Variants in ZNF407 observed in about 807,000 individuals in gnomAD.
ZNF407 encodes the protein zinc finger protein 407.
ZNF407 carries 17 observed loss-of-function variants against 131.2 expected under a neutral mutation model. The ratio of observed to expected loss-of-function variants is 0.13; its 90% CI spans 0.09 to 0.19. ZNF407 has a LOEUF of 0.19. ZNF407 is among the 10% of genes least tolerant of loss of function. The probability of loss-of-function intolerance (pLI) is 1.00; values close to 1 mark genes in which losing one functional copy is unlikely to be tolerated. For missense variants in ZNF407, 2,681 were observed against 2,830.6 expected (o/e 0.95, Z 1.20); for synonymous variants, 1,156 against 1,062.0 (o/e 1.09, Z -1.72).
intron 3 of ZNF407, among the ~76,000 whole-genome samples, chr18:74,735,704 C>T (rs1038540206): frequency 6.6e-6 from 1 of 152,098 alleles, no homozygotes; most frequent in South Asian, 2.1e-4. Context: ...GCAACTTTAC[C>T]AGAGACTCTT....
chr18:74,917,861 C>T (rs1164768906), intron 7 of ZNF407, among the ~76,000 whole-genome samples: 1 of 152,010 alleles, frequency 6.6e-6, no homozygotes, highest in Non-Finnish European at 1.5e-5. Flanking sequence ...ATTGGTGGTA[C>T]CAAAGAATCT....
At chr18:74,825,940 A>G (rs1375456390) in intron 4 of ZNF407, among the ~76,000 whole-genome samples, 1 of 152,226 alleles carries the variant, frequency 6.6e-6, no homozygotes. Flanking sequence ...AGCACAAAGC[A>G]TCTGTCTATA....
intron 3 of ZNF407, among the ~76,000 whole-genome samples, chr18:74,684,022 G>A (rs1967042883): frequency 6.6e-6 from 1 of 152,130 alleles, no homozygotes; most frequent in Admixed American, 6.5e-5. Context: ...TAGAACTGTG[G>A]TTGTTAGTGC....
chr18:74,772,744 G>A (rs1279642684), intron 3 of ZNF407, among the ~76,000 whole-genome samples: 1 of 152,126 alleles, frequency 6.6e-6, no homozygotes, highest in Non-Finnish European at 1.5e-5. Context: ...AGGTTTTTGA[G>A]CTGAGGCATG....
chr18:75,034,749 A>C (rs2122229435), intron 8 of ZNF407, among the ~76,000 whole-genome samples: 1 of 152,244 alleles, frequency 6.6e-6, no homozygotes, highest in Admixed American at 6.5e-5. Flanking sequence ...ATTTTATCCC[A>C]CATACTTTGG....
intron 7 of ZNF407, among the ~76,000 whole-genome samples, chr18:74,904,028 A>G (rs982893961): frequency 3.9e-5 from 6 of 152,188 alleles, no homozygotes; most frequent in Non-Finnish European, 8.8e-5. Flanking sequence ...TTGTGTACTG[A>G]TATATGCCAG....
chr18:74,779,421 A>T (rs1009009480), intron 3 of ZNF407, among the ~76,000 whole-genome samples: 1 of 151,832 alleles, frequency 6.6e-6, no homozygotes, highest in Non-Finnish European at 1.5e-5. Context: ...GTCAGCTTAT[A>T]TATTTTTTTA....
intron 4 of ZNF407, among the ~76,000 whole-genome samples, chr18:74,876,592 A>T (rs551110002): frequency 1.3e-5 from 2 of 152,276 alleles, no homozygotes; most frequent in South Asian, 4.1e-4. Context: ...GAAATAGTTA[A>T]GGTTTATTTT....
chr18:74,867,183 T>C (rs922870500), intron 4 of ZNF407, among the ~76,000 whole-genome samples: 2 of 152,136 alleles, frequency 1.3e-5, no homozygotes, highest in Non-Finnish European at 2.9e-5. Context: ...TTAAATCCCA[T>C]GTGTTTTGTG....
chr18:74,861,964 C>T (rs536062688), intron 4 of ZNF407, among the ~76,000 whole-genome samples: 2 of 152,164 alleles, frequency 1.3e-5, no homozygotes, highest in Admixed American at 1.3e-4. Context: ...TCAGTGTTTT[C>T]ATAGGTGCTT....
At position 74,770,379 on chromosome 18, in the gene ZNF407, A is replaced by G. The variant is rs559583083; in HGVS notation, c.4803-11049A>G. ...TGCCACTGTAGTCAGCCTGGGTAAC[A>G]GAGGGAGTCCCTGTCTCAAAAAAAT... On this transcript the variant is annotated intron_variant, in intron 3 of 8. Coordinates refer to ENST00000299687, the MANE Select transcript of ZNF407 (RefSeq NM_017757.3). Among the ~76,000 whole-genome samples, 299 of 152,300 alleles carry G rather than the reference A, an allele frequency of 2.0e-3. 1 individual carries two copies. Among genetic ancestry groups the G allele is most frequent in the African/African-American group, 7.1e-3 (294 of 41,560 alleles).
At chr18:75,024,049 C>G (rs1973143017) in intron 8 of ZNF407, among the ~76,000 whole-genome samples, 1 of 152,154 alleles carries the variant, frequency 6.6e-6, no homozygotes, top group Non-Finnish European at 1.5e-5. Flanking sequence ...GTGGGAGTCT[C>G]AAGCTTATCC....
At chr18:74,770,365 T>G (rs1282923127) in intron 3 of ZNF407, among the ~76,000 whole-genome samples, 1 of 152,126 alleles carries the variant, frequency 6.6e-6, no homozygotes, top group Non-Finnish European at 1.5e-5. Flanking sequence ...GCCACTGTAG[T>G]CAGCCTGGGT....
chr18:75,051,125 T>C (rs1364441992), intron 8 of ZNF407, among the ~76,000 whole-genome samples: 1 of 152,170 alleles, frequency 6.6e-6, no homozygotes, highest in African/African-American at 2.4e-5. Context: ...TGTGATAGGC[T>C]GGAAGTATGT....
chr18:75,014,583 G>C (rs777066356), intron 8 of ZNF407, among the ~76,000 whole-genome samples: 10 of 151,932 alleles, frequency 6.6e-5, no homozygotes, highest in Admixed American at 6.6e-4. Context: ...TGTCACCCTC[G>C]TAAGTGGTCA....
intron 8 of ZNF407, among the ~76,000 whole-genome samples, chr18:74,933,353 A>G (rs528725695): frequency 1.3e-5 from 2 of 152,322 alleles, no homozygotes; most frequent in South Asian, 4.1e-4. Flanking sequence ...ATGTGCCTAG[A>G]GTAGTCGAAG....
At chr18:74,941,810 G>A (rs540741327) in intron 8 of ZNF407, among the ~76,000 whole-genome samples, 1 of 152,296 alleles carries the variant, frequency 6.6e-6, no homozygotes, top group African/African-American at 2.4e-5. Flanking sequence ...CGCAACAACG[G>A]TGATGATGTT....
chr18:74,785,725 G>GA (rs1317816726), intron 4 of ZNF407, among the ~76,000 whole-genome samples: 3 of 152,080 alleles, frequency 2.0e-5, no homozygotes, highest in African/African-American at 7.2e-5. Flanking sequence ...AGCATCTGTG[G>GA]AAAAGCGCAT....
At chr18:74,866,346 A>G (rs944643375) in intron 4 of ZNF407, among the ~76,000 whole-genome samples, 2 of 152,120 alleles carry the variant, frequency 1.3e-5, no homozygotes, top group Admixed American at 1.3e-4. Flanking sequence ...ATACATCTCA[A>G]CCTTTCTAGC....
Sources: gnomAD v4.1 joint callset for allele counts (sites outside exome capture counted in the v4.1 genomes callset) on GRCh38, gnomAD v4.1.1 for gene constraint, MANE v1.5 for transcripts, NCBI Gene and HGNC (gene_info 2026-07-23, HGNC 2026-07-21) for gene names.